Variants in ZNF114 observed in about 807,000 individuals in gnomAD.
ZNF114 encodes the protein zinc finger protein 114 (Y18).
Under a neutral mutation model 6.8 loss-of-function variants are expected in ZNF114, and 8 were observed. The observed-to-expected ratio is 1.18, with a 90% CI of 0.69 to 2.13. ZNF114 has a LOEUF of 2.13. ZNF114 is among the 30% of genes most tolerant of loss of function. ZNF114 has a pLI of 0.00. For synonymous variants in ZNF114, 169 were observed against 185.5 expected (o/e 0.91, Z 0.72); for missense variants, 472 against 519.5 (o/e 0.91, Z 0.89).
At chr19:48,277,755 T>A (rs188512989) in intron 3 of ZNF114, among the ~76,000 whole-genome samples, 1 of 143,644 alleles carries the variant, frequency 7.0e-6, no homozygotes, top group Admixed American at 7.1e-5. Context: ...TTAATTCTTC[T>A]AAGCATTTTC....
intron 3 of ZNF114, among the ~76,000 whole-genome samples, chr19:48,279,158 G>A (rs902375908): frequency 2.0e-5 from 3 of 151,186 alleles, no homozygotes; most frequent in Non-Finnish European, 2.9e-5. Context: ...ATTTCACCTC[G>A]ATTAAAAAAA....
chr19:48,274,392 C>T (rs906524545), intron 3 of ZNF114, among the ~76,000 whole-genome samples: 1 of 150,932 alleles, frequency 6.6e-6, no homozygotes. Flanking sequence ...TTAAGTTGAC[C>T]ACAGTCATTA....
Position 48,286,000 on chromosome 19 carries a change from C to G in ZNF114, c.376C>G (p.His126Asp). 1 of 1,613,928 alleles carries G rather than the reference C, an allele frequency of 6.2e-7. No homozygotes were observed. The highest frequency in any genetic ancestry group is 8.5e-7 in the Non-Finnish European group (1 of 1,180,024). The change falls in exon 6 of 6, where the codon CAT (histidine) becomes GAT (aspartate). Residue 126 changes from histidine to aspartate, a missense_variant. Physicochemically the swap from His to Asp is moderately conservative, Grantham distance 81 (BLOSUM62 -1). Transcript: ENST00000595607. ...DESPVSICED[H>D]EMRNHSKPTC... is the part of the protein sequence containing the mutation. Reference sequence around the variant, plus strand: ...ATCTCCTGTTAGCATTTGTGAAGATCATGAAATGAGGAACCACTCTAAACC... The same window carrying G: ...ATCTCCTGTTAGCATTTGTGAAGATGATGAAATGAGGAACCACTCTAAACC...
intron 1 of ZNF114, among the ~76,000 whole-genome samples, chr19:48,270,854 G>A (rs139303885): frequency 0.028 from 4,207 of 152,030 alleles, 184 homozygotes; most frequent in African/African-American, 0.093. Context: ...CGAGGCGGGC[G>A]GATCACGAGG....
At chr19:48,284,959 C>CA (rs1286771475) in intron 5 of ZNF114, among the ~76,000 whole-genome samples, 1 of 151,812 alleles carries the variant, frequency 6.6e-6, no homozygotes, top group Non-Finnish European at 1.5e-5. Flanking sequence ...ACCCTCATCT[C>CA]AAAAAAATAA....
intron 4 of ZNF114, among the ~76,000 whole-genome samples, chr19:48,281,027 C>T (rs1967973509): frequency 6.6e-6 from 1 of 152,128 alleles, no homozygotes; most frequent in Non-Finnish European, 1.5e-5. Flanking sequence ...CTGGCTGTCC[C>T]AGCTACTTGG....
At chr19:48,284,201 G>A (rs1968061788) in intron 5 of ZNF114, among the ~76,000 whole-genome samples, 1 of 152,162 alleles carries the variant, frequency 6.6e-6, no homozygotes, top group Non-Finnish European at 1.5e-5. Context: ...TGCAGGACCT[G>A]AAGGAATATC....
intron 3 of ZNF114, among the ~76,000 whole-genome samples, chr19:48,277,683 A>G (rs1172522437): frequency 6.6e-6 from 1 of 152,096 alleles, no homozygotes; most frequent in Non-Finnish European, 1.5e-5. Context: ...CAAGGCTCAC[A>G]CTGGGAATTT....
chr19:48,275,483 G>A (rs1470210942), intron 3 of ZNF114, among the ~76,000 whole-genome samples: 2 of 147,996 alleles, frequency 1.4e-5, no homozygotes, highest in African/African-American at 2.5e-5. Context: ...GGTGGTGGTC[G>A]CCTGTACTCC....
At chr19:48,283,146 T>C (rs1050304207) in intron 5 of ZNF114, among the ~76,000 whole-genome samples, 1 of 151,964 alleles carries the variant, frequency 6.6e-6, no homozygotes, top group Admixed American at 6.6e-5. Flanking sequence ...CTCCTGAGTA[T>C]CTGGGATTAC....
chr19:48,273,350 C>T (rs1338254584), intron 3 of ZNF114, among the ~76,000 whole-genome samples: 1 of 152,008 alleles, frequency 6.6e-6, no homozygotes, highest in Non-Finnish European at 1.5e-5. Flanking sequence ...CATGGACAAT[C>T]AGGCAAAAGC....
intron 4 of ZNF114, among the ~76,000 whole-genome samples, chr19:48,280,155 G>A (rs891581147): frequency 6.6e-6 from 1 of 152,136 alleles, no homozygotes; most frequent in East Asian, 1.9e-4. Flanking sequence ...GGGTGAGACA[G>A]GAGAATCATT....
chr19:48,272,566 T>A (rs1240007487), intron 3 of ZNF114, among the ~76,000 whole-genome samples: 1 of 133,964 alleles, frequency 7.5e-6, no homozygotes, highest in Non-Finnish European at 1.6e-5. Context: ...CCTAGCTACT[T>A]GGGAGGCTGA....
intron 4 of ZNF114, among the ~76,000 whole-genome samples, chr19:48,280,127 AAT>A (rs1319491590): frequency 6.6e-6 from 1 of 152,154 alleles, no homozygotes; most frequent in African/African-American, 2.4e-5. Context: ...TCAAGCCTGT[AAT>A]TCCAGGACTT....
chr19:48,273,587 G>T (rs1193130751), intron 3 of ZNF114, among the ~76,000 whole-genome samples: 1 of 151,900 alleles, frequency 6.6e-6, no homozygotes, highest in East Asian at 1.9e-4. Flanking sequence ...GCTGAGATGC[G>T]TGTAATGGGG....
chr19:48,276,707 A>C (rs1436601453), intron 3 of ZNF114, among the ~76,000 whole-genome samples: 1 of 152,106 alleles, frequency 6.6e-6, no homozygotes, highest in East Asian at 1.9e-4. Context: ...AATTTTTTGT[A>C]GAGATGGGGC....
At chr19:48,283,559 A>G (rs1435870477) in intron 5 of ZNF114, among the ~76,000 whole-genome samples, 1 of 152,118 alleles carries the variant, frequency 6.6e-6, no homozygotes, top group Non-Finnish European at 1.5e-5. Flanking sequence ...AGATGTGAAC[A>G]TTACAGGACC....
intron 3 of ZNF114, 120 bp downstream of exon 3, chr19:48,271,948 G>A (rs554606801): frequency 6.6e-6 from 1 of 152,430 alleles, no homozygotes; most frequent in African/African-American, 2.4e-5. Context: ...GGGAAGGCAC[G>A]AATGACCCAC....
At chr19:48,272,860 ATCTCTGCTCACT>A (rs1967708733) in intron 3 of ZNF114, among the ~76,000 whole-genome samples, 2 of 130,500 alleles carry the variant, frequency 1.5e-5, no homozygotes, top group Non-Finnish European at 3.1e-5. Flanking sequence ...CTGTGGCGCG[ATCTCTGCTCACT>A]GCAAGCTCCG....
Sources: gnomAD v4.1 joint callset for allele counts (sites outside exome capture counted in the v4.1 genomes callset) on GRCh38, gnomAD v4.1.1 for gene constraint, MANE v1.5 for transcripts, NCBI Gene and HGNC (gene_info 2026-07-23, HGNC 2026-07-21) for gene names.